STK3: variants seen among roughly 807,000 people sequenced by gnomAD.
The protein encoded by STK3 is serine/threonine-protein kinase 3.
STK3 carries 41 observed loss-of-function variants against 58.0 expected under a neutral mutation model. That is an observed-to-expected ratio of 0.71 (90% confidence interval 0.55 to 0.92). The LOEUF (loss-of-function observed/expected upper bound fraction) is 0.92, where lower values mean the gene tolerates loss of function less well. Ranked by LOEUF, STK3 falls within the 40% of genes least tolerant of loss-of-function variation. STK3 has a pLI of 0.00. For synonymous variants in STK3, 170 were observed against 191.0 expected, an observed-to-expected ratio of 0.89 and a Z score of 0.91; for missense variants, 479 against 602.7, an observed-to-expected ratio of 0.79 and a Z score of 2.15.
At chr8:98,797,476 C>A (rs191498539) in intron 1 of STK3, among the ~76,000 whole-genome samples, 18 of 152,266 alleles carry the variant, frequency 1.2e-4, no homozygotes, top group African/African-American at 2.2e-4. Context: ...ATCCCAGAAG[C>A]CTTTCTGGTA....
intron 6 of STK3, among the ~76,000 whole-genome samples, chr8:98,639,286 T>C (rs1481703078): frequency 6.6e-6 from 1 of 152,072 alleles, no homozygotes; most frequent in Non-Finnish European, 1.5e-5. Context: ...ATTGTTTTTG[T>C]ATGTTTTGTA....
rs34675136 is a variant in STK3, at chr8:98,814,350, ATTT to A, written c.26+11162_26+11164del. Among the ~76,000 whole-genome samples the A allele has an allele frequency of 8.6e-3, 1,160 of 134,874 alleles. 11 individuals carry two copies. The highest frequency in any genetic ancestry group is 0.03 in the African/African-American group (1,082 of 36,354). 88.5% of individuals were successfully genotyped at this position (134,874 alleles called of 152,430 possible). Reference sequence around the variant, plus strand: ...ACAGCCGTGAGCCACCGCGCCCAGCATTTTTTTTTTTTTTTTTTGTCACCCAAG... The same window carrying A: ...ACAGCCGTGAGCCACCGCGCCCAGCATTTTTTTTTTTTTTTGTCACCCAAG... On this transcript the variant is annotated intron_variant, in intron 1 of 10. Coordinates refer to ENST00000419617, the MANE Select transcript of STK3 (RefSeq NM_006281.4).
rs765900158 is a variant in STK3 at position 98,597,823 on chromosome 8, GA to G, written c.685-1655del. ...CCAGAGCTCACAGTCAACTTGTGCA[GA>G]AAAAAAAAAAAACACATATGAAACG... On this transcript the variant is annotated intron_variant, in intron 6 of 10. Coordinates refer to ENST00000419617, the MANE Select transcript of STK3 (RefSeq NM_006281.4). The G allele has an allele frequency of 1.1e-3, 1,036 of 919,738 alleles. 1 individual carries two copies. The highest frequency in any genetic ancestry group is 1.3e-3 in the South Asian group (26 of 19,750). The allele number at this position is 919,738 out of a possible 1,614,324, so 57.0% of individuals were successfully genotyped here. A position where few individuals can be genotyped will look rare whatever the true frequency, so the allele number is the denominator to read the frequency against.
chr8:98,754,996 C>G (rs1830204075), intron 3 of STK3, among the ~76,000 whole-genome samples: 3 of 152,150 alleles, frequency 2.0e-5, no homozygotes, highest in Admixed American at 2.0e-4. Context: ...CTAACCTGGG[C>G]AGCCACCTGA....
intron 8 of STK3, among the ~76,000 whole-genome samples, chr8:98,569,915 G>A (rs1018161495): frequency 2.1e-5 from 3 of 146,262 alleles, no homozygotes; most frequent in Non-Finnish European, 3.0e-5. Context: ...AAAAAAATAT[G>A]TGTGTGTGTG....
At chr8:98,493,710 A>T (rs919778860) in intron 10 of STK3, among the ~76,000 whole-genome samples, 1 of 152,196 alleles carries the variant, frequency 6.6e-6, no homozygotes, top group African/African-American at 2.4e-5. Flanking sequence ...TCTCTAGCCC[A>T]GATCTCTGTG....
chr8:98,734,850 T>C (rs1195990731), intron 4 of STK3, among the ~76,000 whole-genome samples: 26 of 151,930 alleles, frequency 1.7e-4, no homozygotes, highest in Admixed American at 1.7e-3. Flanking sequence ...AAAGCTCATA[T>C]TACCTTACAC....
intron 2 of STK3, among the ~76,000 whole-genome samples, chr8:98,375,281 CAA>C (rs565803495): frequency 4.7e-5 from 4 of 85,116 alleles, no homozygotes; most frequent in Middle Eastern, 6.6e-3. Context: ...CAAAAAAAAA[CAA>C]AAAAAAAAAC....
At chr8:98,693,815 G>C (rs1448068788) in intron 6 of STK3, among the ~76,000 whole-genome samples, 2 of 152,182 alleles carry the variant, frequency 1.3e-5, no homozygotes, top group East Asian at 1.9e-4. Flanking sequence ...CCACTACAGA[G>C]AATCAGTTTT....
chr8:98,680,343 C>G (rs1823540561), intron 6 of STK3, among the ~76,000 whole-genome samples: 1 of 152,128 alleles, frequency 6.6e-6, no homozygotes, highest in Admixed American at 6.5e-5. Flanking sequence ...AAATAAATAT[C>G]ATGATTGAAC....
downstream of STK3, chr8:98,878,800 CTTTA>C (rs1184473891): frequency 6.1e-6 from 1 of 163,886 alleles, no homozygotes; most frequent in Admixed American, 6.5e-5. Flanking sequence ...AGCACCAAAA[CTTTA>C]TTTATAACAC....
intron 10 of STK3, among the ~76,000 whole-genome samples, chr8:98,495,770 A>G (rs1823087872): frequency 6.6e-6 from 1 of 152,226 alleles, no homozygotes; most frequent in African/African-American, 2.4e-5. Context: ...ACATCTGTAT[A>G]TACTTTTGTC....
At chr8:98,726,280 C>T (rs1409691413) in intron 4 of STK3, among the ~76,000 whole-genome samples, 1 of 152,112 alleles carries the variant, frequency 6.6e-6, no homozygotes, top group Non-Finnish European at 1.5e-5. Context: ...ACTTAATTTA[C>T]TTAGTTAAGG....
chr8:98,915,671 G>A (rs562502381), intron 1 of STK3, among the ~76,000 whole-genome samples: 2 of 151,810 alleles, frequency 1.3e-5, no homozygotes, highest in East Asian at 3.9e-4. Flanking sequence ...GTGTTTGTGT[G>A]TGCGTGTGAT....
In STK3 at chr8:98,837,376, A is replaced by G. The variant is rs186313570; in HGVS notation, c.110+46271T>C. On this transcript the variant is annotated intron_variant, in intron 3 of 12. Coordinates refer to the STK3 transcript ENST00000523601. The stretch of plus-strand genomic sequence containing the variant: ...GCTGGAGCTCAGCAAAAAAAAAAAA[A>G]AAAGAAAGAAAGAAAAAAATGGCTT... Among the ~76,000 whole-genome samples the G allele has an allele frequency of 8.6e-3, 1,313 of 151,800 alleles. 9 individuals are homozygous for G. The highest frequency in any genetic ancestry group is 0.021 in the African/African-American group (861 of 41,476).
chr8:98,369,516 T>C (rs1817591768), downstream of STK3, among the ~76,000 whole-genome samples: 1 of 151,976 alleles, frequency 6.6e-6, no homozygotes, highest in South Asian at 2.1e-4. Context: ...GGATGTAAGA[T>C]GAATGTCCTG....
At position 98,905,453 on chromosome 8, in the gene STK3, C is replaced by T. The variant is rs555249264; in HGVS notation, c.-78-21619G>A. 4.0e-5 allele frequency: 52 copies of T among 1,286,302 alleles called. 1 individual carries two copies. In the African/African-American group the frequency reaches 6.4e-4, roughly 16 times the overall value. The allele number at this position is 1,286,302 out of a possible 1,614,324, so 79.7% of individuals were successfully genotyped here. ...CGTGTAACTTGGTTGACGCTTTGCT[C>T]TTATTCTTGCTGGCTTCCACGTTGA... is the stretch of plus-strand genomic sequence containing the variant. On this transcript the variant is annotated intron_variant, in intron 1 of 1. Coordinates refer to the STK3 transcript ENST00000519420.
At chr8:98,751,952 A>G (rs911973917) in intron 3 of STK3, among the ~76,000 whole-genome samples, 5 of 152,024 alleles carry the variant, frequency 3.3e-5, no homozygotes, top group African/African-American at 7.2e-5. Context: ...AAAAATAATA[A>G]TAAAAAATAA....
intron 6 of STK3, among the ~76,000 whole-genome samples, chr8:98,676,240 A>C (rs1823198780): frequency 1.3e-5 from 2 of 152,260 alleles, no homozygotes; most frequent in African/African-American, 4.8e-5. Flanking sequence ...TTTAACAGGC[A>C]TGGAGTTTCA....
Sources: gnomAD v4.1 joint callset for allele counts (sites outside exome capture counted in the v4.1 genomes callset) on GRCh38, gnomAD v4.1.1 for gene constraint, MANE v1.5 for transcripts, NCBI Gene and HGNC (gene_info 2026-07-23, HGNC 2026-07-21) for gene names.